Variants in TNIP1 observed in about 807,000 individuals in gnomAD.
The protein encoded by TNIP1 is TNFAIP3-interacting protein 1.
A neutral mutation model predicts 86.6 loss-of-function variants in TNIP1; 22 were observed. The ratio of observed to expected loss-of-function variants is 0.25; its 90% CI spans 0.18 to 0.36. TNIP1 has a LOEUF of 0.36. Ranked by LOEUF, TNIP1 falls within the 10% of genes least tolerant of loss-of-function variation. The pLI is 1.00. For missense variants in TNIP1, 709 were observed against 820.6 expected (o/e 0.86, Z 1.66); for synonymous variants, 294 against 313.0 (o/e 0.94, Z 0.64).
Position 151,064,981 on chromosome 5 carries a change from T to A in TNIP1, c.115A>T (p.Met39Leu). 1 of 1,614,178 alleles carries A rather than the reference T, an allele frequency of 6.2e-7. No individual in the cohort carries two copies. Among genetic ancestry groups the A allele is most frequent in the Non-Finnish European group, 8.5e-7 (1 of 1,180,022 alleles). The change falls in exon 2 of 18, where the codon ATG becomes TTG. Residue 39 changes from methionine (M) to leucine (L), a missense_variant. By Grantham distance (15) the Met-to-Leu change is conservative (BLOSUM62 2). Transcript: ENST00000521591. ...TTACCTAACATCTTTATCCCTTGCA[T>A]TTTTTCCTTCAGCCGGGAATTCTCC... ...VKENSRLKEK[M>L]QGIKMLGELL... is the part of the protein sequence containing the mutation.
At chr5:151,044,878 G>C (rs1758936312) in intron 9 of TNIP1, among the ~76,000 whole-genome samples, 1 of 152,194 alleles carries the variant, frequency 6.6e-6, no homozygotes, top group African/African-American at 2.4e-5. Flanking sequence ...GGGAAACTAA[G>C]AGCCTCTTAC....
At chr5:151,038,659 G>C (rs568586284) in intron 12 of TNIP1, among the ~76,000 whole-genome samples, 42 of 152,110 alleles carry the variant, frequency 2.8e-4, no homozygotes, top group Non-Finnish European at 4.4e-4. Flanking sequence ...AGGCGCCCAG[G>C]GTATACACCT....
In TNIP1 at chr5:151,042,924, C is replaced by T. The variant is rs1439403408; in HGVS notation, c.974G>A (p.Arg325Gln). Residue 325 changes from arginine (R) to glutamine (Q), a missense_variant, in exon 10 of 18, where the codon CGG (arginine) becomes CAG (glutamine). Arg to Gln is a conservative substitution (Grantham distance 43). Coordinates refer to ENST00000521591, the MANE Select transcript of TNIP1 (RefSeq NM_006058.5). Reference sequence around the variant, plus strand: ...CTGCTCATACTGCTGCTTCATGGACCGGAAATGCTGGTCCCACTGCTTGTT... The same window carrying T: ...CTGCTCATACTGCTGCTTCATGGACTGGAAATGCTGGTCCCACTGCTTGTT... Reference protein sequence around the residue: ...EVNKQWDQHFRSMKQQYEQKI... With the variant: ...EVNKQWDQHFQSMKQQYEQKI... 11 of 1,614,016 alleles carry T rather than the reference C, an allele frequency of 6.8e-6. No homozygotes were observed. Among genetic ancestry groups the T allele is most frequent in the Middle Eastern group, 1.7e-4 (1 of 6,036 alleles).
At chr5:151,036,391 T>C (rs1448001912) in intron 13 of TNIP1, among the ~76,000 whole-genome samples, 1 of 152,234 alleles carries the variant, frequency 6.6e-6, no homozygotes, top group Non-Finnish European at 1.5e-5. Flanking sequence ...GGCAAGAGTA[T>C]CCGGCTAGAG....
At chr5:151,038,903 G>C (rs1055319342) in intron 12 of TNIP1, among the ~76,000 whole-genome samples, 194 bp downstream of exon 12, 1 of 152,058 alleles carries the variant, frequency 6.6e-6, no homozygotes, top group Non-Finnish European at 1.5e-5. Flanking sequence ...AGGGAAGGGT[G>C]ACACAGGCTA....
upstream of TNIP1, among the ~76,000 whole-genome samples, chr5:151,082,817 T>G (rs1021425890): frequency 6.6e-6 from 1 of 152,242 alleles, no homozygotes; most frequent in Admixed American, 6.5e-5. Flanking sequence ...GTGAGAAAAC[T>G]CATTTATTTA....
At chr5:151,044,234 G>T (rs1758831388) in intron 9 of TNIP1, among the ~76,000 whole-genome samples, 1 of 152,000 alleles carries the variant, frequency 6.6e-6, no homozygotes, top group Non-Finnish European at 1.5e-5. Flanking sequence ...TAGAGACAGG[G>T]TCTTGCTATG....
At chr5:151,036,248 C>T (rs1225798568) in intron 13 of TNIP1, among the ~76,000 whole-genome samples, 2 of 152,192 alleles carry the variant, frequency 1.3e-5, no homozygotes, top group Non-Finnish European at 2.9e-5. Flanking sequence ...ATGGGAGAGC[C>T]ACAACCTTTT....
chr5:151,057,104 G>A, intron 5 of TNIP1, 147 bp from the exon 6 acceptor site: 1 of 916,920 alleles, frequency 1.1e-6, no homozygotes, highest in South Asian at 2.6e-5. Flanking sequence ...CAGTTATGCA[G>A]GTTCCCTGTC....
At chr5:151,069,343 A>C (rs1454906696) in intron 1 of TNIP1, among the ~76,000 whole-genome samples, 1 of 152,212 alleles carries the variant, frequency 6.6e-6, no homozygotes, top group Non-Finnish European at 1.5e-5. Context: ...AGACCCCCCA[A>C]ATGATATTCA....
At chr5:151,064,896 G>A in intron 2 of TNIP1, 64 bp downstream of exon 2, 2 of 1,606,482 alleles carry the variant, frequency 1.2e-6, no homozygotes, top group Non-Finnish European at 1.7e-6. Context: ...ACTGCTAGTA[G>A]AGGGACTGGC....
At chr5:151,064,909 C>G (rs574799701) in intron 2 of TNIP1, 51 bp downstream of exon 2, 2 of 1,611,092 alleles carry the variant, frequency 1.2e-6, no homozygotes, top group South Asian at 2.2e-5. Flanking sequence ...GGACTGGCAT[C>G]ACAGTCTGCA....
chr5:151,077,665 G>A (rs1223947810), intron 1 of TNIP1, among the ~76,000 whole-genome samples: 6 of 152,304 alleles, frequency 3.9e-5, no homozygotes, highest in Admixed American at 2.0e-4. Context: ...CCGGACCAGC[G>A]GCACTGGCAC....
chr5:151,043,097 C>T, intron 9 of TNIP1, 136 bp from the exon 10 acceptor site: 1 of 876,084 alleles, frequency 1.1e-6, no homozygotes, highest in Non-Finnish European at 1.9e-6. Context: ...GTCTCCATCC[C>T]TCAGCTCTCG....
chr5:151,060,479 G>A (rs564624939), intron 4 of TNIP1, 84 bp from the exon 5 acceptor site: 23 of 1,236,356 alleles, frequency 1.9e-5, no homozygotes, highest in Non-Finnish European at 2.6e-5. Context: ...AGCAGCAAGG[G>A]GGACAAAATC....
At chr5:151,044,534 T>C (rs1294180999) in intron 9 of TNIP1, among the ~76,000 whole-genome samples, 2 of 152,048 alleles carry the variant, frequency 1.3e-5, no homozygotes, top group African/African-American at 4.8e-5. Context: ...GAGCATTATA[T>C]CACTTTTGAA....
At chr5:151,035,412 CAAAG>C (rs1223863528) in intron 14 of TNIP1, among the ~76,000 whole-genome samples, 166 bp downstream of exon 14, 1 of 152,188 alleles carries the variant, frequency 6.6e-6, no homozygotes, top group Non-Finnish European at 1.5e-5. Flanking sequence ...CGTAATTGTA[CAAAG>C]AAAGAGTCAG....
At chr5:151,032,514 C>T in intron 16 of TNIP1, 131 bp from the exon 17 acceptor site, 6 of 911,576 alleles carry the variant, frequency 6.6e-6, no homozygotes, top group South Asian at 5.9e-5. Context: ...CAGGCTGGCA[C>T]TCCCATTTCA....
chr5:151,034,581 C>T, intron 15 of TNIP1: 1 of 306,726 alleles, frequency 3.3e-6, no homozygotes, highest in South Asian at 2.6e-5. Flanking sequence ...AGGCTGAGCA[C>T]ATGGGCATGG....
Sources: allele counts gnomAD v4.1 joint callset (sites outside exome capture counted in the v4.1 genomes callset), GRCh38; gene constraint gnomAD v4.1.1; transcripts MANE v1.5; gene names NCBI Gene and HGNC (gene_info 2026-07-23, HGNC 2026-07-21).